PEBP4: variants seen among roughly 807,000 people sequenced by gnomAD.
PEBP4 encodes the protein phosphatidylethanolamine binding protein 4.
PEBP4 carries 22 observed loss-of-function variants against 23.9 expected under a neutral mutation model. That is an observed-to-expected ratio of 0.92 (90% CI 0.66 to 1.31). The LOEUF (loss-of-function observed/expected upper bound fraction) is 1.31. Among genes scored for constraint, PEBP4 ranks in the 40% most tolerant of loss-of-function variants. The pLI, the probability that PEBP4 is intolerant of heterozygous loss-of-function variation, is 0.00. For synonymous variants in PEBP4, 112 were observed against 99.3 expected (o/e 1.13, Z -0.76); for missense variants, 324 against 281.7 (o/e 1.15, Z -1.07).
rs145962186 is a variant in PEBP4 at position 22,768,435 on chromosome 8, C to T, written c.358-41215G>A. Among the ~76,000 whole-genome samples the T allele has an allele frequency of 1.1e-3, 172 of 152,258 alleles. 1 individual carries two copies. Among genetic ancestry groups the T allele is most frequent in the African/African-American group, 3.9e-3 (161 of 41,548 alleles). ...CCTGGGGTGGTTTGGGGTGCTCACGCGAGCCCCCCACGACAGCCTCAGTGA... is the reference window on the plus strand; with the variant it reads ...CCTGGGGTGGTTTGGGGTGCTCACGTGAGCCCCCCACGACAGCCTCAGTGA... On this transcript the variant is annotated intron_variant, in intron 4 of 6. Transcript: ENST00000256404.
At chr8:22,939,407 T>C (rs1476899133) in intron 1 of PEBP4, among the ~76,000 whole-genome samples, 2 of 152,098 alleles carry the variant, frequency 1.3e-5, no homozygotes, top group Non-Finnish European at 1.5e-5. Context: ...GGAAGAACAA[T>C]GAAGATGGAC....
intron 4 of PEBP4, among the ~76,000 whole-genome samples, chr8:22,765,175 G>A (rs1254483559): frequency 1.4e-5 from 2 of 138,508 alleles, no homozygotes; most frequent in Non-Finnish European, 3.1e-5. Flanking sequence ...ACAGCATCTT[G>A]ATGCGACGTC....
intron 3 of PEBP4, among the ~76,000 whole-genome samples, chr8:22,828,552 G>A (rs1197366940): frequency 1.3e-5 from 2 of 151,954 alleles, no homozygotes; most frequent in African/African-American, 4.8e-5. Context: ...TCCCCTCACT[G>A]CTCTCTTGTG....
intron 4 of PEBP4, among the ~76,000 whole-genome samples, chr8:22,792,711 AC>A (rs1806163564): frequency 6.6e-6 from 1 of 152,096 alleles, no homozygotes; most frequent in African/African-American, 2.4e-5. Context: ...GAAAGGAAGG[AC>A]CCTGGCCCTG....
At chr8:22,847,908 G>A (rs1376553815) in intron 3 of PEBP4, among the ~76,000 whole-genome samples, 1 of 152,194 alleles carries the variant, frequency 6.6e-6, no homozygotes, top group Non-Finnish European at 1.5e-5. Flanking sequence ...GGGGGTAATC[G>A]CTGAACTCTG....
At chr8:22,729,410 C>G (rs868766078) in intron 4 of PEBP4, among the ~76,000 whole-genome samples, 9 of 152,328 alleles carry the variant, frequency 5.9e-5, no homozygotes, top group Middle Eastern at 6.8e-3. Flanking sequence ...TCAATTCCCC[C>G]CAGGCTTGGG....
chr8:22,788,995 A>G (rs1333447616), intron 4 of PEBP4, among the ~76,000 whole-genome samples: 1 of 152,374 alleles, frequency 6.6e-6, no homozygotes, highest in Non-Finnish European at 1.5e-5. Flanking sequence ...ATGTGTTGAC[A>G]TGGGAAAATG....
chr8:22,857,862 G>A lies in PEBP4; in HGVS notation c.259-40127C>T, dbSNP rs115437756. ...AGAAGAACAGGGGGCAAGGGATGGG[G>A]AGCAAGAGGAGAGCTGTCCATGAGA... On this transcript the variant is annotated intron_variant, in intron 3 of 6. Coordinates refer to ENST00000256404, the MANE Select transcript of PEBP4 (RefSeq NM_144962.3). Among the ~76,000 whole-genome samples the A allele has an allele frequency of 2.0e-5, 3 of 152,198 alleles. No individual in the cohort carries two copies. The South Asian group carries it at 6.2e-4, about 32-fold the overall frequency.
chr8:22,928,541 C>T (rs1412028879), upstream of PEBP4, among the ~76,000 whole-genome samples: 2 of 152,158 alleles, frequency 1.3e-5, no homozygotes, highest in South Asian at 2.1e-4. Context: ...CGGGGACTGT[C>T]GCCTGCATTC....
chr8:22,800,530 C>CA (rs1293378615), intron 4 of PEBP4, among the ~76,000 whole-genome samples: 2 of 152,070 alleles, frequency 1.3e-5, no homozygotes, highest in African/African-American at 4.8e-5. Context: ...CTCTTCATGG[C>CA]AAAGGAAAAT....
intron 4 of PEBP4, among the ~76,000 whole-genome samples, chr8:22,779,494 C>G (rs1012113472): frequency 6.6e-6 from 1 of 151,946 alleles, no homozygotes; most frequent in African/African-American, 2.4e-5. Context: ...CATCTGGGTC[C>G]CAGGTCACAA....
intron 4 of PEBP4, among the ~76,000 whole-genome samples, chr8:22,793,709 C>T (rs1806186661): frequency 6.6e-6 from 1 of 152,124 alleles, no homozygotes; most frequent in Non-Finnish European, 1.5e-5. Flanking sequence ...AATTTTTGCT[C>T]ACATCCATAA....
chr8:22,815,150 A>AGGAGG (rs1806712240), intron 4 of PEBP4: 1 of 152,198 alleles, frequency 6.6e-6, no homozygotes, highest in Non-Finnish European at 1.5e-5. Context: ...CTATTTCACA[A>AGGAGG]AGTGGTGTTG....
intron 3 of PEBP4, among the ~76,000 whole-genome samples, chr8:22,825,031 G>A (rs1285852721): frequency 6.6e-6 from 1 of 152,224 alleles, no homozygotes; most frequent in East Asian, 1.9e-4. Flanking sequence ...CTGCTAAGCA[G>A]CCCCAGAAGA....
intron 3 of PEBP4, among the ~76,000 whole-genome samples, chr8:22,828,825 G>A (rs1420077087): frequency 6.6e-6 from 1 of 152,054 alleles, no homozygotes; most frequent in African/African-American, 2.4e-5. Context: ...TGGCCTCTCT[G>A]GTTCCTGGGT....
intron 4 of PEBP4, among the ~76,000 whole-genome samples, chr8:22,817,160 CCT>C (rs956011590): frequency 2.4e-4 from 37 of 152,296 alleles, no homozygotes; most frequent in African/African-American, 8.7e-4. Flanking sequence ...AGTTGCTGTG[CCT>C]CTCTCATGCC....
intron 4 of PEBP4, among the ~76,000 whole-genome samples, chr8:22,738,594 G>T (rs1175806902): frequency 6.6e-6 from 1 of 152,148 alleles, no homozygotes; most frequent in East Asian, 1.9e-4. Context: ...GGCAACCTCA[G>T]GCTGGGTCCG....
intron 4 of PEBP4, among the ~76,000 whole-genome samples, chr8:22,741,077 T>C (rs1804980177): frequency 6.6e-6 from 1 of 152,154 alleles, no homozygotes; most frequent in Admixed American, 6.5e-5. Flanking sequence ...GGTTCTTCCG[T>C]GTTGCCTATA....
At chr8:22,784,260 G>C (rs1186511201) in intron 4 of PEBP4, among the ~76,000 whole-genome samples, 1 of 152,186 alleles carries the variant, frequency 6.6e-6, no homozygotes, top group South Asian at 2.1e-4. Context: ...CAGGGTTGAA[G>C]GAAGCTATGA....
Sources: gnomAD v4.1 joint callset for allele counts (sites outside exome capture counted in the v4.1 genomes callset) on GRCh38, gnomAD v4.1.1 for gene constraint, MANE v1.5 for transcripts, NCBI Gene and HGNC (gene_info 2026-07-23, HGNC 2026-07-21) for gene names.